The following LUZP2 variants were observed in gnomAD, a reference collection of about 807,000 sequenced individuals.
LUZP2 encodes leucine zipper protein 2.
A neutral mutation model predicts 51.6 loss-of-function variants in LUZP2; 52 were observed. That is an observed-to-expected ratio of 1.01 (90% CI 0.81 to 1.27). The LOEUF is 1.27. Ranked by LOEUF, LUZP2 falls within the 50% of genes most tolerant of loss-of-function variation. The pLI, the probability that LUZP2 is intolerant of heterozygous loss-of-function variation, is 0.00. For missense variants in LUZP2, 436 were observed against 395.4 expected (o/e 1.10, Z -0.87); for synonymous variants, 154 against 137.3 (o/e 1.12, Z -0.85).
chr11:24,507,853 C>CT (rs1850188211), intron 1 of LUZP2, among the ~76,000 whole-genome samples: 3 of 152,064 alleles, frequency 2.0e-5, no homozygotes, highest in South Asian at 2.1e-4. Flanking sequence ...ATGTTAAACA[C>CT]TTTTTTCTAA....
At chr11:24,938,331 A>G (rs954118761) in intron 7 of LUZP2, among the ~76,000 whole-genome samples, 2 of 152,154 alleles carry the variant, frequency 1.3e-5, no homozygotes, top group African/African-American at 4.8e-5. Flanking sequence ...GCAGTTGACC[A>G]TTTGTCTGGA....
rs1468567692 is a variant in LUZP2 at position 24,576,349 on chromosome 11, G to C, written c.62+79044G>C. Among the ~76,000 whole-genome samples, 3 of 146,652 alleles carry C rather than the reference G, an allele frequency of 2.0e-5. No homozygotes were observed. The East Asian group carries it at 6.0e-4, about 29-fold the overall frequency. ...AATCACTTGAACCCAGGAGGTGAAG[G>C]TTGCAGTGAACCGAGATCATGCCAT... On this transcript the variant is annotated intron_variant, in intron 1 of 11. Transcript: ENST00000336930.
chr11:24,739,323 C>T (rs533197487), intron 4 of LUZP2, among the ~76,000 whole-genome samples: 5 of 152,096 alleles, frequency 3.3e-5, no homozygotes. Context: ...TATAACCTGT[C>T]CCTAAGGTGA....
chr11:24,998,073 T>C (rs1856561471), intron 9 of LUZP2, among the ~76,000 whole-genome samples: 1 of 152,192 alleles, frequency 6.6e-6, no homozygotes, highest in Admixed American at 6.5e-5. Flanking sequence ...AGCTTTGTTC[T>C]TTTTGCTTAG....
chr11:24,834,055 G>T (rs1193437420), intron 5 of LUZP2, among the ~76,000 whole-genome samples: 5 of 151,950 alleles, frequency 3.3e-5, no homozygotes, highest in African/African-American at 1.2e-4. Flanking sequence ...TTTATTGAAA[G>T]TTGGATTTTT....
chr11:24,980,889 A>C (rs1856009997), intron 8 of LUZP2, among the ~76,000 whole-genome samples: 2 of 151,732 alleles, frequency 1.3e-5, no homozygotes, highest in African/African-American at 4.8e-5. Flanking sequence ...GTCTATACAC[A>C]AAGGATATTG....
chr11:24,665,928 T>C (rs1380995142), intron 1 of LUZP2, among the ~76,000 whole-genome samples: 1 of 148,954 alleles, frequency 6.7e-6, no homozygotes, highest in Non-Finnish European at 1.5e-5. Flanking sequence ...TTTGTTTCCA[T>C]TTTTTTTACT....
At chr11:24,881,581 G>T (rs1368886822) in intron 5 of LUZP2, among the ~76,000 whole-genome samples, 4 of 152,000 alleles carry the variant, frequency 2.6e-5, no homozygotes, top group Admixed American at 2.0e-4. Flanking sequence ...AATATTCAGA[G>T]AAAAGTAACA....
intron 1 of LUZP2, among the ~76,000 whole-genome samples, chr11:24,547,464 G>A (rs937441523): frequency 6.6e-6 from 1 of 150,690 alleles, no homozygotes; most frequent in African/African-American, 2.4e-5. Context: ...ACAAGCAGTG[G>A]GTAAAGGACT....
intron 9 of LUZP2, among the ~76,000 whole-genome samples, chr11:25,048,831 TAA>T (rs1858399455): frequency 6.6e-6 from 1 of 151,346 alleles, no homozygotes. Flanking sequence ...TTTATTTAAT[TAA>T]TTAATTTATT....
intron 5 of LUZP2, among the ~76,000 whole-genome samples, chr11:24,842,416 A>T (rs17307243): frequency 0.011 from 1,604 of 151,938 alleles, 24 homozygotes; most frequent in South Asian, 0.031. Flanking sequence ...CTTGAAAGGC[A>T]TTGCATGAAT....
Position 24,536,977 on chromosome 11 carries a change from C to T in LUZP2, c.62+39672C>T, listed in dbSNP as rs565845276. On this transcript the variant is annotated intron_variant, in intron 1 of 11. Transcript: ENST00000336930. Reference sequence around the variant, plus strand: ...ACTGCTTCTGAGGAAGAGGAAGGCCCAAGGAGGGGGAGAAAGACAAGGGAA... The same window carrying T: ...ACTGCTTCTGAGGAAGAGGAAGGCCTAAGGAGGGGGAGAAAGACAAGGGAA... 9.2e-5 allele frequency among the ~76,000 whole-genome samples: 14 copies of T among 151,714 alleles called. No homozygotes were observed. In the South Asian group the frequency reaches 2.7e-3, roughly 29 times the overall value.
intron 7 of LUZP2, among the ~76,000 whole-genome samples, chr11:24,973,850 C>T (rs911266848): frequency 2.0e-5 from 3 of 151,406 alleles, no homozygotes; most frequent in Non-Finnish European, 2.9e-5. Context: ...GTTTTACTTC[C>T]TCTTATGTGA....
intron 1 of LUZP2, among the ~76,000 whole-genome samples, chr11:24,692,016 T>C (rs933162245): frequency 1.3e-5 from 2 of 152,036 alleles, no homozygotes; most frequent in African/African-American, 4.8e-5. Context: ...ATATGTTTTC[T>C]AAACTTCACA....
At chr11:24,586,645 A>G (rs1254381491) in intron 1 of LUZP2, among the ~76,000 whole-genome samples, 3 of 151,986 alleles carry the variant, frequency 2.0e-5, no homozygotes, top group Non-Finnish European at 4.4e-5. Context: ...CTTGTTTTGG[A>G]TTATTAAGTT....
intron 1 of LUZP2, among the ~76,000 whole-genome samples, chr11:24,526,686 G>A (rs1048621050): frequency 1.3e-5 from 2 of 151,244 alleles, no homozygotes; most frequent in African/African-American, 4.8e-5. Flanking sequence ...AAATGCTCAC[G>A]ATTAACCTGA....
intron 5 of LUZP2, among the ~76,000 whole-genome samples, chr11:24,876,755 G>A (rs972633582): frequency 6.6e-6 from 1 of 151,806 alleles, no homozygotes; most frequent in Non-Finnish European, 1.5e-5. Context: ...CCATTTGTTT[G>A]TATCCTCTTT....
At position 24,741,873 on chromosome 11, in the gene LUZP2, T is replaced by A. The variant is rs536749496; in HGVS notation, c.333+3571T>A. Among the ~76,000 whole-genome samples the A allele has an allele frequency of 4.3e-5, 6 of 139,426 alleles. No individual in the cohort carries two copies. In the South Asian group the frequency reaches 1.1e-3, roughly 25 times the overall value. The allele number at this position is 139,426 out of a possible 152,430, so 91.5% of individuals were successfully genotyped here. ...TATAAATATATAAATGTATATATAT[T>A]TATAAATATATATTTATATACATAT... On this transcript the variant is annotated intron_variant, in intron 4 of 11. Transcript: ENST00000336930.
chr11:25,007,051 A>G (rs971410810), intron 9 of LUZP2, among the ~76,000 whole-genome samples: 4 of 152,108 alleles, frequency 2.6e-5, no homozygotes, highest in African/African-American at 7.2e-5. Flanking sequence ...TTATTTTTGC[A>G]TTTACAAACC....
Sources: gnomAD v4.1 joint callset for allele counts (sites outside exome capture counted in the v4.1 genomes callset) on GRCh38, gnomAD v4.1.1 for gene constraint, MANE v1.5 for transcripts, NCBI Gene and HGNC (gene_info 2026-07-23, HGNC 2026-07-21) for gene names.